Variants in GPR35 observed in about 807,000 individuals in gnomAD.
GPR35 encodes G protein-coupled receptor 35.
For missense variants in GPR35, 372 were observed against 422.5 expected (o/e 0.88, Z 1.05); for synonymous variants, 207 against 198.4 (o/e 1.04, Z -0.36).
rs1166552127 is a variant in GPR35, at chr2:240,631,865, G to A, written c.*983G>A. ...TGTCATCCCATATTGCATGTCCACA[G>A]GCACCGCCCCACCCTGTTCCATGTT... On this transcript the variant is annotated 3_prime_UTR_variant, in exon 2 of 2. Coordinates refer to ENST00000407714, the MANE Select transcript of GPR35 (RefSeq NM_005301.5). 3.9e-5 allele frequency among the ~76,000 whole-genome samples: 6 copies of A among 152,246 alleles called. No homozygotes were observed. The highest frequency in any genetic ancestry group is 8.8e-5 in the Non-Finnish European group (6 of 68,040).
At chr2:240,610,229 A>T (rs1559432472) in intron 2 of GPR35, among the ~76,000 whole-genome samples, 1 of 152,086 alleles carries the variant, frequency 6.6e-6, no homozygotes, top group Non-Finnish European at 1.5e-5. Flanking sequence ...AAGTGCTGGG[A>T]TTACAGGCGT....
At chr2:240,613,695 C>G (rs2043208777) in intron 2 of GPR35, among the ~76,000 whole-genome samples, 1 of 151,984 alleles carries the variant, frequency 6.6e-6, no homozygotes, top group Non-Finnish European at 1.5e-5. Context: ...ATAACACTAA[C>G]TCCACCCTAT....
At chr2:240,622,368 T>C (rs2043305405), upstream of GPR35, among the ~76,000 whole-genome samples, 1 of 152,034 alleles carries the variant, frequency 6.6e-6, no homozygotes, top group African/African-American at 2.4e-5. Flanking sequence ...GTAAACGGCT[T>C]TTCTCTGGCT....
intron 1 of GPR35, among the ~76,000 whole-genome samples, chr2:240,626,836 G>T (rs1312403468): frequency 2.0e-5 from 3 of 152,192 alleles, no homozygotes; most frequent in African/African-American, 7.2e-5. Flanking sequence ...GGCACTCTGG[G>T]GTCTGGGCGG....
upstream of GPR35, among the ~76,000 whole-genome samples, chr2:240,623,126 G>T (rs979264543): frequency 6.6e-6 from 1 of 152,248 alleles, no homozygotes; most frequent in Non-Finnish European, 1.5e-5. Flanking sequence ...CCCCGCGGCC[G>T]GAGTCGCTGT....
intron 1 of GPR35, chr2:240,627,796 A>G (rs1380642607): frequency 1.3e-5 from 2 of 151,876 alleles, no homozygotes; most frequent in Non-Finnish European, 2.9e-5. Context: ...TTCCCCCACA[A>G]AATACTGGGC....
At chr2:240,605,900 G>T (rs2043127964) in intron 1 of GPR35, among the ~76,000 whole-genome samples, 1 of 152,212 alleles carries the variant, frequency 6.6e-6, no homozygotes, top group African/African-American at 2.4e-5. Flanking sequence ...CCCTGCACAT[G>T]GCTGCTTCAT....
intron 2 of GPR35, among the ~76,000 whole-genome samples, chr2:240,613,974 C>A (rs2043213352): frequency 6.6e-6 from 1 of 151,964 alleles, no homozygotes; most frequent in Non-Finnish European, 1.5e-5. Flanking sequence ...AACCTTAACC[C>A]TAACCATAAC....
chr2:240,614,810 G>A (rs1027575726), intron 2 of GPR35, among the ~76,000 whole-genome samples: 1 of 152,180 alleles, frequency 6.6e-6, no homozygotes, highest in Non-Finnish European at 1.5e-5. Flanking sequence ...GAGTGTGTGT[G>A]TATGTGCACA....
In GPR35 at chr2:240,630,645, G is replaced by C; in HGVS notation, c.693G>C (p.Leu231=). 1 of 1,613,054 alleles carries C rather than the reference G, an allele frequency of 6.2e-7. No homozygotes were observed. Residue 231 remains leucine, a synonymous_variant, in exon 2 of 2, where the codon CTG becomes CTC. Transcript: ENST00000407714. ...ANLLVFVVCF[L]PLHVGLTVRL... ...TCCTGGTGTTCGTGGTCTGCTTCCT[G>C]CCCCTGCACGTGGGGCTGACAGTGC... is the stretch of plus-strand genomic sequence containing the variant.
At chr2:240,614,139 A>G (rs1442846638) in intron 2 of GPR35, among the ~76,000 whole-genome samples, 1 of 151,940 alleles carries the variant, frequency 6.6e-6, no homozygotes, top group African/African-American at 2.4e-5. Flanking sequence ...CACTAACCCT[A>G]GCCAAAACCC....
intron 2 of GPR35, among the ~76,000 whole-genome samples, chr2:240,611,789 G>C (rs547535775): frequency 6.6e-6 from 1 of 152,200 alleles, no homozygotes; most frequent in Non-Finnish European, 1.5e-5. Context: ...AGTGTCCGGG[G>C]CTGGAGCTGG....
chr2:240,621,802 T>C (rs2043298730), upstream of GPR35, among the ~76,000 whole-genome samples: 1 of 152,218 alleles, frequency 6.6e-6, no homozygotes, highest in Admixed American at 6.5e-5. Flanking sequence ...GCTTTAACTT[T>C]TTCTCATACA....
intron 1 of GPR35, 145 bp downstream of exon 1, chr2:240,625,713 TTCTCAGAGCGAGGTGAGGCTGTGACAGGG>T: frequency 5.3e-6 from 1 of 188,222 alleles, no homozygotes; most frequent in Non-Finnish European, 8.4e-6. Flanking sequence ...GTGACGGGGG[TTCTCAGAGCGAGGTGAGGCTGTGACAGGG>T]TCTCAGAGCG....
At chr2:240,628,252 T>C (rs1370905933) in intron 1 of GPR35, 2 of 152,182 alleles carry the variant, frequency 1.3e-5, no homozygotes, top group Non-Finnish European at 2.9e-5. Context: ...ATCCCAGCGA[T>C]TGGTTCCAGT....
At position 240,615,796 on chromosome 2, in the gene GPR35, C is replaced by T. The variant is rs181460175; in HGVS notation, c.-576-592C>T. 4.6e-3 allele frequency among the ~76,000 whole-genome samples: 695 copies of T among 152,324 alleles called. 3 individuals carry two copies. Among genetic ancestry groups the T allele is most frequent in the Non-Finnish European group, 7.7e-3 (526 of 68,020 alleles). On this transcript the variant is annotated intron_variant, in intron 2 of 5. Transcript: ENST00000319838. ...AACTTTTACATTTTCTCTACTTCTACAATTTTTTAGAGAACAGTAAGGTAG... is the reference window on the plus strand; with the variant it reads ...AACTTTTACATTTTCTCTACTTCTATAATTTTTTAGAGAACAGTAAGGTAG...
At chr2:240,629,665 A>C in intron 1 of GPR35, 13 of 347,960 alleles carry the variant, frequency 3.7e-5, no homozygotes, top group Non-Finnish European at 5.3e-5. Flanking sequence ...CTGGAGGGGA[A>C]CGTGGAGCTC....
chr2:240,619,725 C>G (rs901746395), intron 5 of GPR35, among the ~76,000 whole-genome samples: 1 of 152,240 alleles, frequency 6.6e-6, no homozygotes, highest in Non-Finnish European at 1.5e-5. Flanking sequence ...AGAGTTACTC[C>G]TCCCTCCCCG....
chr2:240,630,285 C>T lies in GPR35; in HGVS notation c.333C>T (p.Ala111=), dbSNP rs142573812. ...YMSISLVTAI[A]VDRYVAVRHP... is the part of the protein sequence containing the mutation. The stretch of plus-strand genomic sequence containing the variant: ...GCATCAGCCTGGTCACGGCCATCGC[C>T]GTGGACCGCTATGTGGCCGTGCGGC... The change falls in exon 2 of 2, where the codon GCC becomes GCT. Residue 111 remains alanine (A), a synonymous_variant. Transcript: ENST00000407714. 9 of 1,567,094 alleles carry T rather than the reference C, an allele frequency of 5.7e-6. No individual in the cohort carries two copies. Among genetic ancestry groups the T allele is most frequent in the African/African-American group, 4.0e-5 (3 of 74,304 alleles).
Sources: allele counts gnomAD v4.1 joint callset (sites outside exome capture counted in the v4.1 genomes callset), GRCh38; gene constraint gnomAD v4.1.1; transcripts MANE v1.5; gene names NCBI Gene and HGNC (gene_info 2026-07-23, HGNC 2026-07-21).